The following ZNRF2 variants were observed in gnomAD, a reference collection of about 807,000 sequenced individuals.
The protein encoded by ZNRF2 is zinc and ring finger 2.
Under a neutral mutation model 20.4 loss-of-function variants are expected in ZNRF2, and 16 were observed. That is an observed-to-expected ratio of 0.79 (90% CI 0.53 to 1.19). The LOEUF is 1.19. Among genes scored for constraint, ZNRF2 ranks in the 50% most tolerant of loss-of-function variants. The pLI is 0.00. For synonymous variants in ZNRF2, 178 were observed against 144.9 expected, an observed-to-expected ratio of 1.23 and a Z score of -1.64; for missense variants, 363 against 332.4, an observed-to-expected ratio of 1.09 and a Z score of -0.72.
chr7:30,314,086 C>T (rs1031710161), intron 1 of ZNRF2, among the ~76,000 whole-genome samples: 1 of 152,064 alleles, frequency 6.6e-6, no homozygotes, highest in Admixed American at 6.6e-5. Context: ...AGTTCTTTCC[C>T]TTCATCAGCT....
chr7:30,284,790 T>C lies in ZNRF2; in HGVS notation c.-568T>C, dbSNP rs1381305593. 2.2e-5 allele frequency: 4 copies of C among 182,748 alleles called. No individual in the cohort carries two copies. The South Asian group carries it at 2.6e-4, about 12-fold the overall frequency. 11.3% of individuals were successfully genotyped at this position (182,748 alleles called of 1,614,324 possible). On this transcript the variant is annotated 5_prime_UTR_variant, in exon 1 of 5. Coordinates refer to ENST00000323037, the MANE Select transcript of ZNRF2 (RefSeq NM_147128.4). ...GCGCGCCACCTCTCCCTCCCATTTTTCGTTCTCCCCTCGCGCGCCACCCGT... is the reference window on the plus strand; with the variant it reads ...GCGCGCCACCTCTCCCTCCCATTTTCCGTTCTCCCCTCGCGCGCCACCCGT...
chr7:30,337,881 C>T (rs78179988), intron 2 of ZNRF2, among the ~76,000 whole-genome samples: 6,060 of 152,158 alleles, frequency 0.04, 390 homozygotes, highest in African/African-American at 0.14. Flanking sequence ...CCTGAATCAC[C>T]TTAACAGAGA....
At chr7:30,350,448 T>C (rs985009401) in intron 2 of ZNRF2, among the ~76,000 whole-genome samples, 1 of 152,022 alleles carries the variant, frequency 6.6e-6, no homozygotes, top group East Asian at 1.9e-4. Flanking sequence ...TAATTTTCAG[T>C]GGCATCTAGG....
chr7:30,322,223 A>G (rs931203981), intron 1 of ZNRF2, among the ~76,000 whole-genome samples: 1 of 152,202 alleles, frequency 6.6e-6, no homozygotes, highest in African/African-American at 2.4e-5. Context: ...TTTGAAAAAC[A>G]TTGTACAAAA....
chr7:30,293,618 A>G (rs1433299761), intron 1 of ZNRF2, among the ~76,000 whole-genome samples: 3 of 152,242 alleles, frequency 2.0e-5, no homozygotes, highest in East Asian at 3.8e-4. Flanking sequence ...TTGGATCTTT[A>G]TTGCCAAATT....
At chr7:30,331,029 A>G (rs1339045508) in intron 2 of ZNRF2, among the ~76,000 whole-genome samples, 2 of 152,190 alleles carry the variant, frequency 1.3e-5, no homozygotes, top group African/African-American at 2.4e-5. Flanking sequence ...TGATACTACA[A>G]ACTGACTGTT....
At chr7:30,291,710 T>A (rs1274825365) in intron 1 of ZNRF2, among the ~76,000 whole-genome samples, 2 of 152,206 alleles carry the variant, frequency 1.3e-5, no homozygotes, top group African/African-American at 4.8e-5. Flanking sequence ...AGAAGTATAC[T>A]TTAAGTGGTT....
chr7:30,324,949 C>T (rs1473103903), intron 2 of ZNRF2, among the ~76,000 whole-genome samples: 2 of 152,184 alleles, frequency 1.3e-5, no homozygotes, highest in Non-Finnish European at 2.9e-5. Flanking sequence ...CTATGCAGTG[C>T]ATATGTGTCT....
chr7:30,309,433 A>T (rs536993250), intron 1 of ZNRF2, among the ~76,000 whole-genome samples: 132 of 152,218 alleles, frequency 8.7e-4, no homozygotes, highest in Non-Finnish European at 1.5e-3. Flanking sequence ...TAAAGACTGG[A>T]GTAGACAGCT....
chr7:30,306,463 C>T (rs1017856660), intron 1 of ZNRF2, among the ~76,000 whole-genome samples: 1 of 152,118 alleles, frequency 6.6e-6, no homozygotes, highest in Non-Finnish European at 1.5e-5. Context: ...AAAATTCCAT[C>T]TTTTATGGCA....
intron 2 of ZNRF2, among the ~76,000 whole-genome samples, chr7:30,330,377 T>G (rs746315655): frequency 4.6e-5 from 7 of 152,170 alleles, no homozygotes; most frequent in Non-Finnish European, 8.8e-5. Context: ...GAAGAAAGAT[T>G]GAGCCAGTTG....
intron 1 of ZNRF2, among the ~76,000 whole-genome samples, chr7:30,291,833 G>A (rs1289586302): frequency 1.3e-4 from 20 of 152,152 alleles, no homozygotes; most frequent in Non-Finnish European, 2.9e-5. Flanking sequence ...ATAGATTGAC[G>A]AAGGACAAGG....
intron 4 of ZNRF2, among the ~76,000 whole-genome samples, chr7:30,364,673 AG>A (rs1245886073): frequency 6.6e-6 from 1 of 152,212 alleles, no homozygotes; most frequent in Non-Finnish European, 1.5e-5. Context: ...AAGCATTTTA[AG>A]GGAAGTACTG....
At chr7:30,290,086 G>C (rs1027901293) in intron 1 of ZNRF2, among the ~76,000 whole-genome samples, 16 of 152,194 alleles carry the variant, frequency 1.1e-4, no homozygotes, top group Admixed American at 5.9e-4. Flanking sequence ...TTAAAAGAGA[G>C]TGTAGGAACT....
chr7:30,321,056 ATTC>A (rs920896662), intron 1 of ZNRF2, among the ~76,000 whole-genome samples: 6 of 152,116 alleles, frequency 3.9e-5, no homozygotes, highest in Non-Finnish European at 8.8e-5. Context: ...GGAGATCTTT[ATTC>A]TTCTATTTTC....
intron 4 of ZNRF2, among the ~76,000 whole-genome samples, chr7:30,363,506 G>T (rs886700132): frequency 1.3e-5 from 2 of 152,058 alleles, no homozygotes; most frequent in African/African-American, 4.8e-5. Flanking sequence ...TAGCAATTTT[G>T]CTCTTTTTAG....
chr7:30,323,723 G>T lies in ZNRF2; in HGVS notation c.551G>T (p.Arg184Leu). ...CTTGTAATGTGTTTAACAAAGCCACGAATAACCTATAATGGTAAGTCCAAT... is the reference window on the plus strand; with the variant it reads ...CTTGTAATGTGTTTAACAAAGCCACTAATAACCTATAATGGTAAGTCCAAT... ...LHLVMCLTKP[R>L]ITYNEDVLSK... Residue 184 changes from arginine to leucine, a missense_variant, in exon 2 of 5, where the codon CGA (arginine) becomes CTA (leucine). This residue lies in a region of ZNRF2 where 61 missense variants were observed against 100.9 expected (regional missense o/e 0.60). Coordinates refer to ENST00000323037, the MANE Select transcript of ZNRF2 (RefSeq NM_147128.4). 1 of 1,588,772 alleles carries T rather than the reference G, an allele frequency of 6.3e-7. No individual in the cohort carries two copies. The highest frequency in any genetic ancestry group is 1.2e-5 in the South Asian group (1 of 86,660).
intron 2 of ZNRF2, among the ~76,000 whole-genome samples, chr7:30,353,437 A>AT (rs1799988324): frequency 6.6e-6 from 1 of 152,052 alleles, no homozygotes; most frequent in South Asian, 2.1e-4. Context: ...AAGGGAGCTT[A>AT]TTTTTTAAAT....
chr7:30,355,299 TTTA>T (rs983724881), intron 2 of ZNRF2, among the ~76,000 whole-genome samples: 2 of 152,024 alleles, frequency 1.3e-5, no homozygotes, highest in Admixed American at 6.5e-5. Flanking sequence ...CTTACCCAAT[TTTA>T]TTATTTTATA....
Sources: allele counts gnomAD v4.1 joint callset (sites outside exome capture counted in the v4.1 genomes callset), GRCh38; gene constraint gnomAD v4.1.1; regional missense constraint gnomAD v4.1.1; transcripts MANE v1.5; gene names NCBI Gene and HGNC (gene_info 2026-07-23, HGNC 2026-07-21).